Variants in DUS4L observed in about 807,000 individuals in gnomAD.
DUS4L encodes dihydrouridine synthase 4 like.
Under a neutral mutation model 33.8 loss-of-function variants are expected in DUS4L, and 31 were observed. That is an observed-to-expected ratio of 0.92 (90% CI 0.69 to 1.24). The LOEUF is 1.24. DUS4L is among the 50% of genes most tolerant of loss of function. The probability of loss-of-function intolerance (pLI) is 0.00; values close to 1 mark genes in which losing one functional copy is unlikely to be tolerated. For missense variants in DUS4L, 368 were observed against 388.6 expected (o/e 0.95, Z 0.45); for synonymous variants, 103 against 120.3 (o/e 0.86, Z 0.94).
At chr7:107,569,138 G>T (rs1159314014) in intron 3 of DUS4L, among the ~76,000 whole-genome samples, 1 of 152,192 alleles carries the variant, frequency 6.6e-6, no homozygotes, top group Non-Finnish European at 1.5e-5. Context: ...GGGAGGTGAA[G>T]GTTGCAGTGA....
At chr7:107,574,914 C>T (rs1805591093) in intron 5 of DUS4L, 1 of 400,704 alleles carries the variant, frequency 2.5e-6, no homozygotes, top group East Asian at 6.4e-5. Context: ...GCAATTACTT[C>T]AAATATTTAA....
intron 7 of DUS4L, 120 bp from the exon 8 acceptor site, chr7:107,577,193 A>C: frequency 7.3e-7 from 1 of 1,373,892 alleles, no homozygotes; most frequent in Non-Finnish European, 9.9e-7. Flanking sequence ...TAATGCAATA[A>C]AGACATTACA....
At chr7:107,570,430 C>T (rs796136741) in intron 3 of DUS4L, 13 of 152,470 alleles carry the variant, frequency 8.5e-5, no homozygotes, top group African/African-American at 3.1e-4. Context: ...TGGCTCTCCA[C>T]TATGCCTCCT....
chr7:107,567,803 C>A, intron 3 of DUS4L: 1 of 450,482 alleles, frequency 2.2e-6, no homozygotes, highest in Non-Finnish European at 4.5e-6. Context: ...TTCCACTGTT[C>A]CTCACAGCAG....
intron 5 of DUS4L, chr7:107,574,943 A>G (rs1805594066): frequency 2.0e-6 from 1 of 491,706 alleles, no homozygotes; most frequent in Non-Finnish European, 3.5e-6. Flanking sequence ...TGGTTGAATG[A>G]CTTTTAACTT....
intron 4 of DUS4L, among the ~76,000 whole-genome samples, chr7:107,571,553 A>G (rs891921259): frequency 2.0e-5 from 3 of 152,166 alleles, no homozygotes; most frequent in Admixed American, 2.0e-4. Context: ...CTATCCTCCA[A>G]GGAGACCAAA....
intron 5 of DUS4L, chr7:107,574,807 T>C (rs1805582975): frequency 3.4e-6 from 1 of 295,054 alleles, no homozygotes; most frequent in South Asian, 3.0e-5. Flanking sequence ...ATTGGAATGC[T>C]GTAAGCCAAA....
At chr7:107,576,622 T>G (rs1805779033) in intron 7 of DUS4L, 30 bp downstream of exon 7, 2 of 1,439,862 alleles carry the variant, frequency 1.4e-6, no homozygotes, top group Admixed American at 2.8e-5. Context: ...GTTCTTTTAA[T>G]TGGGGGGGGA....
intron 2 of DUS4L, among the ~76,000 whole-genome samples, chr7:107,566,381 C>T (rs1287662255): frequency 2.6e-5 from 4 of 152,086 alleles, no homozygotes; most frequent in African/African-American, 9.7e-5. Context: ...TTAAGTATAG[C>T]AAATGTAAAA....
chr7:107,575,414 T>C (rs2129197265), intron 6 of DUS4L, 104 bp downstream of exon 6: 1 of 1,292,780 alleles, frequency 7.7e-7, no homozygotes. Flanking sequence ...CCTAAATAAA[T>C]TGGTAGCTGG....
rs1257595475 is a variant in DUS4L, at chr7:107,573,728, T to G, written c.263T>G (p.Phe88Cys). Residue 88 changes from phenylalanine to cysteine, a missense_variant, in exon 5 of 8, where the codon TTT (phenylalanine) becomes TGT (cysteine). Phe to Cys is a radical substitution (Grantham distance 205). Transcript: ENST00000265720. ...GGTGATTGCCCATTGATTGTTCAGT[T>G]TGCTGCTAACGATGCAAGACTTTTA... is the stretch of plus-strand genomic sequence containing the variant. ...NQGDCPLIVQFAANDARLLSD... is the reference protein window; with the variant it reads ...NQGDCPLIVQCAANDARLLSD... The G allele has an allele frequency of 6.2e-7, 1 of 1,609,816 alleles. No homozygotes were observed.
intron 2 of DUS4L, among the ~76,000 whole-genome samples, chr7:107,565,696 A>G (rs1170636462): frequency 4.6e-5 from 7 of 151,974 alleles, no homozygotes; most frequent in Non-Finnish European, 1.0e-4. Context: ...GCTGATTTTT[A>G]TAATTTTTTT....
intron 2 of DUS4L, among the ~76,000 whole-genome samples, chr7:107,565,582 G>A (rs1804578925): frequency 6.6e-6 from 1 of 152,124 alleles, no homozygotes; most frequent in Admixed American, 6.5e-5. Context: ...GGAGTGCAGT[G>A]GCAGGATCGT....
rs760414906 is a variant in DUS4L at position 107,575,172 on chromosome 7, T to G, written c.357-16T>G. 7.5e-6 allele frequency: 12 copies of G among 1,606,844 alleles called. No homozygotes were observed. Among genetic ancestry groups the G allele is most frequent in the Non-Finnish European group, 1.0e-5 (12 of 1,178,534 alleles). On this transcript the variant is annotated splice_polypyrimidine_tract_variant and intron_variant, in intron 5 of 7. Coordinates refer to ENST00000265720, the MANE Select transcript of DUS4L (RefSeq NM_181581.3). ...GTTATTTATAATTCACTTGTTCATG[T>G]GTTTGCTTTACAAAGGTGGGCAATG...
At chr7:107,576,670 C>A in intron 7 of DUS4L, 78 bp downstream of exon 7, 1 of 1,343,424 alleles carries the variant, frequency 7.4e-7, no homozygotes, top group Non-Finnish European at 1.0e-6. Context: ...ATTTGATTTT[C>A]ATTTGTTTTG....
chr7:107,577,110 G>C (rs1249553640), intron 7 of DUS4L: 4 of 616,332 alleles, frequency 6.5e-6, no homozygotes, highest in Non-Finnish European at 1.0e-5. Context: ...AAAGATTTCT[G>C]TACGTACATT....
At chr7:107,565,291 C>T (rs946300177) in intron 2 of DUS4L, among the ~76,000 whole-genome samples, 1 of 152,108 alleles carries the variant, frequency 6.6e-6, no homozygotes, top group Non-Finnish European at 1.5e-5. Context: ...AAGGTAGGAA[C>T]CCATTTAAAC....
chr7:107,571,119 A>C (rs1805192027), intron 3 of DUS4L, 26 bp from the exon 4 acceptor site: 25 of 1,612,690 alleles, frequency 1.6e-5, no homozygotes, highest in Non-Finnish European at 2.1e-5. Context: ...TTCTAAATGC[A>C]TAATTAAGGT....
chr7:107,567,102 G>A lies in DUS4L; in HGVS notation c.32G>A (p.Cys11Tyr). Residue 11 changes from cysteine (C) to tyrosine (Y), a missense_variant, in exon 3 of 8, where the codon TGT becomes TAT. Cys to Tyr is a radical substitution (Grantham distance 194). Transcript: ENST00000265720. MKSDCMQTTI[C>Y]QERKKDPIEM... ...AGTGACTGCATGCAAACGACAATAT[G>A]TCAGGAAAGAAAAAAAGATCCCATA... 6.2e-7 allele frequency: 1 copy of A among 1,613,474 alleles called. No homozygotes were observed. The highest frequency in any genetic ancestry group is 8.5e-7 in the Non-Finnish European group (1 of 1,179,636).
Sources: allele counts gnomAD v4.1 joint callset (sites outside exome capture counted in the v4.1 genomes callset), GRCh38; gene constraint gnomAD v4.1.1; transcripts MANE v1.5; gene names NCBI Gene and HGNC (gene_info 2026-07-23, HGNC 2026-07-21).